The following KALRN variants were observed in gnomAD, a reference collection of about 807,000 sequenced individuals.
KALRN encodes the protein kalirin RhoGEF kinase.
A neutral mutation model predicts 353.7 loss-of-function variants in KALRN; 70 were observed. That is an observed-to-expected ratio of 0.20 (90% CI 0.16 to 0.24). KALRN has a LOEUF of 0.24. KALRN is among the 10% of genes least tolerant of loss of function. The pLI is 1.00. For missense variants in KALRN, 2,791 were observed against 3,756.7 expected (o/e 0.74, Z 6.72); for synonymous variants, 1,391 against 1,434.8 (o/e 0.97, Z 0.69).
At chr3:124,628,693 A>G (rs1404542107) in intron 34 of KALRN, among the ~76,000 whole-genome samples, 1 of 150,540 alleles carries the variant, frequency 6.6e-6, no homozygotes, top group East Asian at 1.9e-4. Flanking sequence ...CTCATGCCTC[A>G]GCCTCCCAAG....
At chr3:124,464,019 G>C (rs1013868460) in intron 25 of KALRN, among the ~76,000 whole-genome samples, 2 of 152,114 alleles carry the variant, frequency 1.3e-5, no homozygotes, top group African/African-American at 2.4e-5. Context: ...GAAATTTCCA[G>C]ATGTAGAAAT....
At chr3:124,188,483 C>T (rs11929465) in intron 1 of KALRN, among the ~76,000 whole-genome samples, 3,324 of 152,292 alleles carry the variant, frequency 0.022, 109 homozygotes, top group African/African-American at 0.074. Context: ...CTGGTTCTGA[C>T]AGAAATTGGT....
chr3:124,330,338 G>T (rs1297418403), intron 8 of KALRN, among the ~76,000 whole-genome samples: 5 of 151,476 alleles, frequency 3.3e-5, no homozygotes, highest in Admixed American at 1.3e-4. Context: ...TCTCCTCTTG[G>T]GGGAGGAATA....
At chr3:124,651,786 C>T (rs537370483) in intron 38 of KALRN, among the ~76,000 whole-genome samples, 19 of 151,878 alleles carry the variant, frequency 1.3e-4, no homozygotes, top group African/African-American at 2.2e-4. Context: ...TACAGGTGTG[C>T]GCCACCATGC....
chr3:124,635,373 C>T (rs2081249184), intron 36 of KALRN, among the ~76,000 whole-genome samples: 1 of 152,196 alleles, frequency 6.6e-6, no homozygotes, highest in Non-Finnish European at 1.5e-5. Context: ...TTCCCTCAAA[C>T]ACAGCTTGTT....
intron 33 of KALRN, among the ~76,000 whole-genome samples, chr3:124,555,395 C>T (rs2071102832): frequency 6.6e-6 from 1 of 150,720 alleles, no homozygotes; most frequent in African/African-American, 2.4e-5. Flanking sequence ...GCCTGGGTGA[C>T]AGAGCGAGAC....
chr3:124,069,890 G>A (rs575716062), intron 1 of KALRN, among the ~76,000 whole-genome samples: 2 of 152,156 alleles, frequency 1.3e-5, no homozygotes, highest in Non-Finnish European at 2.9e-5. Flanking sequence ...TGAGTGGGGC[G>A]GCCAAGATAT....
intron 34 of KALRN, among the ~76,000 whole-genome samples, chr3:124,579,961 T>A (rs2149245867): frequency 6.6e-6 from 1 of 152,166 alleles, no homozygotes; most frequent in East Asian, 1.9e-4. Flanking sequence ...AGAAACATGG[T>A]CTCCAAAGGG....
At chr3:124,459,529 T>C (rs186943441) in intron 23 of KALRN, among the ~76,000 whole-genome samples, 4 of 152,324 alleles carry the variant, frequency 2.6e-5, no homozygotes, top group African/African-American at 9.6e-5. Flanking sequence ...AAACACATTT[T>C]TCTTCTTTGG....
intron 25 of KALRN, among the ~76,000 whole-genome samples, chr3:124,472,096 A>G (rs1439563537): frequency 2.0e-5 from 3 of 152,086 alleles, no homozygotes; most frequent in Non-Finnish European, 4.4e-5. Context: ...ATCTTCCCAT[A>G]GGTTTTTGGT....
chr3:124,283,330 G>A (rs1384107321), intron 5 of KALRN, among the ~76,000 whole-genome samples: 1 of 152,134 alleles, frequency 6.6e-6, no homozygotes, highest in Non-Finnish European at 1.5e-5. Context: ...GATAAAGTTG[G>A]GCATTATTTT....
intron 1 of KALRN, among the ~76,000 whole-genome samples, chr3:124,066,002 G>A (rs940770943): frequency 6.6e-6 from 1 of 152,198 alleles, no homozygotes; most frequent in African/African-American, 2.4e-5. Context: ...CAGGAGTAGA[G>A]CTGGGCTTGA....
chr3:124,655,468 C>T, intron 38 of KALRN, 133 bp from the exon 39 acceptor site: 3 of 669,954 alleles, frequency 4.5e-6, no homozygotes, highest in Non-Finnish European at 5.4e-6. Context: ...AAGCATCTTT[C>T]CCAGGAGATA....
chr3:124,459,267 A>G (rs1203663631), intron 23 of KALRN, among the ~76,000 whole-genome samples: 1 of 152,252 alleles, frequency 6.6e-6, no homozygotes, highest in African/African-American at 2.4e-5. Context: ...CTCCTAGGTC[A>G]GCAATAGCCC....
chr3:124,242,857 C>G, intron 3 of KALRN, among the ~76,000 whole-genome samples: 1 of 152,078 alleles, frequency 6.6e-6, no homozygotes, highest in East Asian at 1.9e-4. Flanking sequence ...GTTTTAGATG[C>G]ATTAACTCTC....
intron 38 of KALRN, among the ~76,000 whole-genome samples, chr3:124,653,377 A>G (rs907004229): frequency 6.6e-6 from 1 of 152,226 alleles, no homozygotes; most frequent in African/African-American, 2.4e-5. Flanking sequence ...AGTATGTACC[A>G]TCAGTGGGAT....
chr3:124,597,278 G>A (rs1164328622), intron 34 of KALRN, among the ~76,000 whole-genome samples: 1 of 151,912 alleles, frequency 6.6e-6, no homozygotes, highest in Non-Finnish European at 1.5e-5. Flanking sequence ...GCCCCGAGTT[G>A]GTCCCAAGTA....
chr3:124,419,225 G>A, intron 14 of KALRN, among the ~76,000 whole-genome samples: 1 of 151,346 alleles, frequency 6.6e-6, no homozygotes, highest in Non-Finnish European at 1.5e-5. Context: ...TTTTATACAA[G>A]CCATTCAATA....
intron 34 of KALRN, among the ~76,000 whole-genome samples, chr3:124,620,871 A>G (rs1050250651): frequency 1.3e-5 from 2 of 152,222 alleles, no homozygotes; most frequent in Non-Finnish European, 1.5e-5. Context: ...AGGACAGTCA[A>G]TTGGGAACTT....
Sources: allele counts gnomAD v4.1 joint callset (sites outside exome capture counted in the v4.1 genomes callset), GRCh38; gene constraint gnomAD v4.1.1; transcripts MANE v1.5; gene names NCBI Gene and HGNC (gene_info 2026-07-23, HGNC 2026-07-21).